Variants in MAD1L1 observed in about 807,000 individuals in gnomAD.
The protein encoded by MAD1L1 is mitotic arrest deficient 1 like 1.
In MAD1L1, 95 loss-of-function variants were observed where a neutral mutation model predicts 96.9. That is an observed-to-expected ratio of 0.98 (90% confidence interval 0.83 to 1.16). The LOEUF (loss-of-function observed/expected upper bound fraction) is 1.16. Ranked by LOEUF, MAD1L1 falls within the 50% of genes most tolerant of loss-of-function variation. The probability of loss-of-function intolerance (pLI) is 0.00; values close to 1 mark genes in which losing one functional copy is unlikely to be tolerated. For synonymous variants in MAD1L1, 473 were observed against 396.6 expected, an observed-to-expected ratio of 1.19 and a Z score of -2.29; for missense variants, 1,007 against 954.4, an observed-to-expected ratio of 1.06 and a Z score of -0.73.
At chr7:2,066,662 G>A (rs542099654) in intron 12 of MAD1L1, among the ~76,000 whole-genome samples, 5 of 152,176 alleles carry the variant, frequency 3.3e-5, no homozygotes, top group South Asian at 2.1e-4. Flanking sequence ...GAAGGAAGCC[G>A]GGCACAGACT....
chr7:2,128,315 G>A (rs1788336105), intron 11 of MAD1L1, among the ~76,000 whole-genome samples: 1 of 152,152 alleles, frequency 6.6e-6, no homozygotes, highest in African/African-American at 2.4e-5. Context: ...AAACCTGGCA[G>A]GGCCATCCAT....
chr7:2,206,616 C>T (rs1313826036), intron 10 of MAD1L1, among the ~76,000 whole-genome samples: 1 of 152,248 alleles, frequency 6.6e-6, no homozygotes, highest in Non-Finnish European at 1.5e-5. Flanking sequence ...CATTTCTGAA[C>T]ATTCTACTCT....
chr7:2,022,402 AG>A (rs1782827355), intron 12 of MAD1L1, among the ~76,000 whole-genome samples: 1 of 152,180 alleles, frequency 6.6e-6, no homozygotes, highest in African/African-American at 2.4e-5. Context: ...AGGCTGAGGC[AG>A]GTGGATCACC....
chr7:1,982,825 A>G (rs1463165911), intron 14 of MAD1L1, among the ~76,000 whole-genome samples: 2 of 152,182 alleles, frequency 1.3e-5, no homozygotes, highest in African/African-American at 4.8e-5. Flanking sequence ...TTTACAGCAC[A>G]TGACCTTTTT....
intron 18 of MAD1L1, chr7:1,854,287 T>TGCCCCA: frequency 4.7e-6 from 2 of 425,736 alleles, no homozygotes; most frequent in South Asian, 3.3e-5. Context: ...TGGCTGAGAC[T>TGCCCCA]GCCCCAGCCC....
intron 18 of MAD1L1, among the ~76,000 whole-genome samples, chr7:1,888,468 C>T (rs199571635): frequency 1.9e-4 from 27 of 141,250 alleles, no homozygotes; most frequent in Non-Finnish European, 3.5e-4. Flanking sequence ...ATGTATGTGG[C>T]TGCCTGTTCA....
intron 12 of MAD1L1, among the ~76,000 whole-genome samples, chr7:2,037,254 G>A (rs1783482576): frequency 6.7e-6 from 1 of 149,372 alleles, no homozygotes; most frequent in African/African-American, 2.5e-5. Flanking sequence ...GAAGAATGGA[G>A]AAGATGGTAG....
intron 10 of MAD1L1, among the ~76,000 whole-genome samples, chr7:2,155,368 G>T (rs986347107): frequency 6.6e-6 from 1 of 152,180 alleles, no homozygotes; most frequent in South Asian, 2.1e-4. Context: ...CAGTTCTGTC[G>T]TGTTGAGCAT....
At chr7:2,228,927 G>A (rs1444602457) in intron 3 of MAD1L1, among the ~76,000 whole-genome samples, 1 of 151,790 alleles carries the variant, frequency 6.6e-6, no homozygotes, top group East Asian at 2.0e-4. Context: ...TAGAGACAGG[G>A]TTTCACCGTG....
intron 18 of MAD1L1, among the ~76,000 whole-genome samples, chr7:1,827,438 G>A (rs548982377): frequency 7.3e-6 from 1 of 137,152 alleles, no homozygotes. Context: ...CCCGTCGCGG[G>A]TGTGGGGTCC....
intron 11 of MAD1L1, among the ~76,000 whole-genome samples, chr7:2,071,676 G>A (rs1210447577): frequency 1.3e-5 from 2 of 152,178 alleles, no homozygotes; most frequent in Non-Finnish European, 2.9e-5. Context: ...CAATGAGCAG[G>A]GGCGGAGTCA....
chr7:2,086,371 A>T (rs1204473970), intron 11 of MAD1L1, among the ~76,000 whole-genome samples: 2 of 152,174 alleles, frequency 1.3e-5, no homozygotes, highest in Non-Finnish European at 2.9e-5. Context: ...ATGGCATGGT[A>T]ATTAGGGGAA....
intron 12 of MAD1L1, among the ~76,000 whole-genome samples, chr7:2,059,967 T>A (rs1450345479): frequency 3.3e-5 from 5 of 152,086 alleles, no homozygotes; most frequent in African/African-American, 1.2e-4. Context: ...CCATCAAACT[T>A]GCTGAGAGAA....
At chr7:2,216,337 A>G in intron 7 of MAD1L1, 50 bp from the exon 8 acceptor site, 1 of 1,584,476 alleles carries the variant, frequency 6.3e-7, no homozygotes. Flanking sequence ...CCACGAAGAG[A>G]CCTGGAGAAA....
intron 10 of MAD1L1, among the ~76,000 whole-genome samples, chr7:2,158,148 G>A (rs1230889258): frequency 1.3e-5 from 2 of 152,192 alleles, no homozygotes; most frequent in Non-Finnish European, 2.9e-5. Flanking sequence ...AAGTCTTTTT[G>A]TTCTATCTGC....
chr7:2,161,609 T>G (rs962764005), intron 10 of MAD1L1, among the ~76,000 whole-genome samples: 4 of 148,066 alleles, frequency 2.7e-5, no homozygotes, highest in Non-Finnish European at 6.0e-5. Context: ...CCGCCCAGTC[T>G]GGGAAGTGAG....
At chr7:2,078,674 G>A (rs1213929164) in intron 11 of MAD1L1, among the ~76,000 whole-genome samples, 5 of 152,210 alleles carry the variant, frequency 3.3e-5, no homozygotes, top group African/African-American at 1.2e-4. Context: ...GTGCTCCTGG[G>A]TACATGACCT....
intron 16 of MAD1L1, among the ~76,000 whole-genome samples, chr7:1,950,357 G>A (rs879765491): frequency 7.2e-5 from 11 of 152,090 alleles, no homozygotes; most frequent in Admixed American, 1.3e-4. Flanking sequence ...TGCACGTCCC[G>A]CGCCACCTCG....
intron 11 of MAD1L1, among the ~76,000 whole-genome samples, chr7:2,112,471 A>G (rs1332701125): frequency 6.6e-6 from 1 of 152,232 alleles, no homozygotes; most frequent in East Asian, 1.9e-4. Flanking sequence ...CAAGGACAGA[A>G]CGGCCTGTCC....
Sources: gnomAD v4.1 joint callset for allele counts (sites outside exome capture counted in the v4.1 genomes callset) on GRCh38, gnomAD v4.1.1 for gene constraint, MANE v1.5 for transcripts, NCBI Gene and HGNC (gene_info 2026-07-23, HGNC 2026-07-21) for gene names.